The following SERGEF variants were observed in gnomAD, a reference collection of about 807,000 sequenced individuals.
SERGEF encodes the protein secretion regulating guanine nucleotide exchange factor, also known as secretion-regulating guanine nucleotide exchange factor.
SERGEF carries 51 observed loss-of-function variants against 50.0 expected under a neutral mutation model. That is an observed-to-expected ratio of 1.02 (90% CI 0.81 to 1.29). The LOEUF is 1.29. Among genes scored for constraint, SERGEF ranks in the 50% most tolerant of loss-of-function variants. SERGEF has a pLI of 0.00. For synonymous variants in SERGEF, 205 were observed against 212.4 expected (o/e 0.97, Z 0.30); for missense variants, 521 against 557.0 (o/e 0.94, Z 0.65).
chr11:17,879,859 TA>T (rs1435558770), intron 9 of SERGEF, among the ~76,000 whole-genome samples: 1 of 152,108 alleles, frequency 6.6e-6, no homozygotes, highest in Non-Finnish European at 1.5e-5. Flanking sequence ...ATCTGTCAAT[TA>T]AAAAAATAAA....
chr11:17,966,982 T>C (rs1853138273), intron 8 of SERGEF, among the ~76,000 whole-genome samples: 1 of 152,194 alleles, frequency 6.6e-6, no homozygotes, highest in African/African-American at 2.4e-5. Context: ...AGAGGTTAAA[T>C]GACTTGTCCA....
chr11:17,946,486 A>G (rs1043893979), intron 9 of SERGEF, among the ~76,000 whole-genome samples: 23 of 152,168 alleles, frequency 1.5e-4, no homozygotes, highest in Non-Finnish European at 3.1e-4. Context: ...ACAGACCCTG[A>G]TGAGGGAGGC....
chr11:17,857,807 G>A (rs1332726463), intron 10 of SERGEF, among the ~76,000 whole-genome samples: 1 of 152,174 alleles, frequency 6.6e-6, no homozygotes, highest in African/African-American at 2.4e-5. Flanking sequence ...GGCCTACAAA[G>A]AGCAGTAGGA....
intron 10 of SERGEF, among the ~76,000 whole-genome samples, chr11:17,813,620 C>G (rs976340372): frequency 1.3e-5 from 2 of 152,206 alleles, no homozygotes; most frequent in African/African-American, 4.8e-5. Flanking sequence ...CTTACTCCCC[C>G]ACAAAAATCT....
At chr11:17,869,241 G>T (rs1851090715) in intron 10 of SERGEF, among the ~76,000 whole-genome samples, 1 of 152,078 alleles carries the variant, frequency 6.6e-6, no homozygotes, top group Non-Finnish European at 1.5e-5. Flanking sequence ...AAAATAAAAG[G>T]TTGCATGACA....
At chr11:17,913,955 G>T (rs150128427) in intron 9 of SERGEF, among the ~76,000 whole-genome samples, 103 of 152,316 alleles carry the variant, frequency 6.8e-4, no homozygotes, top group African/African-American at 2.4e-3. Context: ...CACATCATTT[G>T]ATTAATAACC....
chr11:17,825,170 G>A (rs532089059), intron 10 of SERGEF, among the ~76,000 whole-genome samples: 1 of 152,174 alleles, frequency 6.6e-6, no homozygotes, highest in Non-Finnish European at 1.5e-5. Flanking sequence ...ACTGAGTTAT[G>A]TGCTGGGGAC....
intron 10 of SERGEF, among the ~76,000 whole-genome samples, chr11:17,839,600 G>T (rs1486590994): frequency 6.6e-6 from 1 of 152,172 alleles, no homozygotes; most frequent in East Asian, 1.9e-4. Flanking sequence ...ACCCCAGGCT[G>T]CCAGTGAGCT....
chr11:17,810,601 C>G lies in SERGEF; in HGVS notation c.1049-22188G>C, dbSNP rs969337165. ...TCCATAGCATTCCCTTGATGAGCTT[C>G]CCATGAACTTTGTAGTTCTTTATTT... is the stretch of plus-strand genomic sequence containing the variant. On this transcript the variant is annotated intron_variant, in intron 10 of 10. Transcript: ENST00000265965. Among the ~76,000 whole-genome samples the G allele has an allele frequency of 1.3e-5, 2 of 152,188 alleles. 1 individual carries two copies. Among genetic ancestry groups the G allele is most frequent in the African/African-American group, 4.8e-5 (2 of 41,450 alleles).
chr11:18,008,031 C>T lies in SERGEF; in HGVS notation c.106G>A (p.Val36Met). 1 of 1,614,124 alleles carries T rather than the reference C, an allele frequency of 6.2e-7. No homozygotes were observed. The highest frequency in any genetic ancestry group is 8.5e-7 in the Non-Finnish European group (1 of 1,179,978). The change falls in exon 2 of 11, where the codon GTG becomes ATG. Residue 36 changes from valine (V) to methionine (M), a missense_variant. Physicochemically the swap from Val to Met is conservative, Grantham distance 21. Transcript: ENST00000265965. ...GQLGLGHKED[V>M]LLPQQLNDFC... Reference sequence around the variant, plus strand: ...TCATTCAGTTGCTGGGGCAACAGCACATCTTCCTTATGGCCGAGGCCAAGT... The same window carrying T: ...TCATTCAGTTGCTGGGGCAACAGCATATCTTCCTTATGGCCGAGGCCAAGT...
chr11:18,008,201 G>C, intron 1 of SERGEF, 125 bp from the exon 2 acceptor site: 1 of 966,144 alleles, frequency 1.0e-6, no homozygotes, highest in East Asian at 2.7e-5. Flanking sequence ...GATTTATTAG[G>C]CTCATTCTTT....
At chr11:17,892,525 C>T (rs185947855) in intron 9 of SERGEF, among the ~76,000 whole-genome samples, 2 of 152,266 alleles carry the variant, frequency 1.3e-5, no homozygotes, top group East Asian at 3.9e-4. Flanking sequence ...AACCACTTAG[C>T]TGAGCCACAG....
At chr11:17,815,021 G>A (rs1849941434) in intron 10 of SERGEF, among the ~76,000 whole-genome samples, 1 of 151,932 alleles carries the variant, frequency 6.6e-6, no homozygotes, top group African/African-American at 2.4e-5. Context: ...TCTCTACAAA[G>A]ATAAAAAATT....
chr11:17,873,057 G>A (rs1851174563), intron 10 of SERGEF, among the ~76,000 whole-genome samples: 1 of 152,178 alleles, frequency 6.6e-6, no homozygotes, highest in Admixed American at 6.5e-5. Context: ...TAGCATGGAA[G>A]GGAGTTTTTC....
chr11:17,798,774 C>T (rs79730785), intron 10 of SERGEF, among the ~76,000 whole-genome samples: 1 of 152,332 alleles, frequency 6.6e-6, no homozygotes, highest in African/African-American at 2.4e-5. Flanking sequence ...TCTTGAGGGC[C>T]TACTATGATC....
chr11:17,946,674 G>A (rs1183663671), intron 9 of SERGEF, among the ~76,000 whole-genome samples: 2 of 152,180 alleles, frequency 1.3e-5, no homozygotes, highest in African/African-American at 4.8e-5. Flanking sequence ...CTTGAGGGGT[G>A]CAAAGGGAAA....
chr11:17,847,651 C>T (rs1240856562), intron 10 of SERGEF, among the ~76,000 whole-genome samples: 1 of 152,208 alleles, frequency 6.6e-6, no homozygotes. Context: ...ACATGCCCTC[C>T]AGCTAAAGCC....
At chr11:17,928,568 G>A (rs1852292320) in intron 9 of SERGEF, among the ~76,000 whole-genome samples, 1 of 152,082 alleles carries the variant, frequency 6.6e-6, no homozygotes, top group Admixed American at 6.5e-5. Context: ...ATAGTGGCCT[G>A]CACATAGAAG....
In SERGEF at chr11:17,906,826, G is replaced by GAAA. The variant is rs56102467; in HGVS notation, c.1012-28585_1012-28583dup. On this transcript the variant is annotated intron_variant, in intron 9 of 10. Transcript: ENST00000265965. ...ACAGCCATACACTTCTATCAAATAAGAAAAAAAAAAAAAAAACCTCAGGGT... is the reference window on the plus strand; with the variant it reads ...ACAGCCATACACTTCTATCAAATAAGAAAAAAAAAAAAAAAAAAACCTCAGGGT... Among the ~76,000 whole-genome samples the GAAA allele has an allele frequency of 0.016, 2,065 of 132,898 alleles. 116 individuals carry two copies. The East Asian group carries it at 0.22, about 14-fold the overall frequency. 87.2% of individuals were successfully genotyped at this position (132,898 alleles called of 152,430 possible). A position where few individuals can be genotyped will look rare whatever the true frequency, so the allele number is the denominator to read the frequency against.
Sources: gnomAD v4.1 joint callset for allele counts (sites outside exome capture counted in the v4.1 genomes callset) on GRCh38, gnomAD v4.1.1 for gene constraint, MANE v1.5 for transcripts, NCBI Gene and HGNC (gene_info 2026-07-23, HGNC 2026-07-21) for gene names.